SLCO6A1: variants seen among roughly 807,000 people sequenced by gnomAD.
SLCO6A1 encodes solute carrier organic anion transporter family member 6A1.
Under a neutral mutation model 72.7 loss-of-function variants are expected in SLCO6A1, and 65 were observed. The observed-to-expected ratio is 0.89, with a 90% CI of 0.73 to 1.10. SLCO6A1 has a LOEUF of 1.10. Ranked by LOEUF, SLCO6A1 falls within the 50% of genes least tolerant of loss-of-function variation. The pLI, the probability that SLCO6A1 is intolerant of heterozygous loss-of-function variation, is 0.00. For synonymous variants in SLCO6A1, 314 were observed against 298.2 expected, an observed-to-expected ratio of 1.05 and a Z score of -0.55; for missense variants, 874 against 872.6, an observed-to-expected ratio of 1.00 and a Z score of -0.02.
chr5:102,394,545 A>T (rs968395458), intron 10 of SLCO6A1, among the ~76,000 whole-genome samples: 1 of 152,026 alleles, frequency 6.6e-6, no homozygotes, highest in African/African-American at 2.4e-5. Flanking sequence ...AATAATATGG[A>T]TAATAAAAAC....
intron 1 of SLCO6A1, among the ~76,000 whole-genome samples, chr5:102,483,822 T>C (rs1752321755): frequency 6.6e-6 from 1 of 152,184 alleles, no homozygotes; most frequent in African/African-American, 2.4e-5. Context: ...TTCACCCAGA[T>C]GCCTTTATCC....
chr5:102,388,914 C>T (rs73774686), intron 11 of SLCO6A1, 89 bp from the exon 12 acceptor site: 28,477 of 1,121,656 alleles, frequency 0.025, 436 homozygotes, highest in South Asian at 0.046. Context: ...ATATGAATGA[C>T]GACTCATCAT....
chr5:102,448,500 A>T (rs1306280429), intron 6 of SLCO6A1, among the ~76,000 whole-genome samples: 1 of 152,068 alleles, frequency 6.6e-6, no homozygotes, highest in Non-Finnish European at 1.5e-5. Context: ...TTGTGTAGTT[A>T]TCTAAGTCTC....
intron 2 of SLCO6A1, among the ~76,000 whole-genome samples, chr5:102,479,380 T>A (rs915264475): frequency 6.6e-6 from 1 of 152,062 alleles, no homozygotes; most frequent in African/African-American, 2.4e-5. Context: ...AATTACCCAG[T>A]CTCAGGTAGT....
At chr5:102,380,355 T>C (rs1467937787) in intron 12 of SLCO6A1, among the ~76,000 whole-genome samples, 1 of 152,010 alleles carries the variant, frequency 6.6e-6, no homozygotes, top group Non-Finnish European at 1.5e-5. Context: ...AAGCATTAGA[T>C]GAGTCATCCT....
chr5:102,468,516 A>C (rs1001848384), intron 4 of SLCO6A1, among the ~76,000 whole-genome samples: 1 of 152,036 alleles, frequency 6.6e-6, no homozygotes, highest in Non-Finnish European at 1.5e-5. Flanking sequence ...GAGCTCCAGC[A>C]TTAAGTACAT....
At chr5:102,429,083 T>C (rs562004735) in intron 7 of SLCO6A1, among the ~76,000 whole-genome samples, 4 of 152,308 alleles carry the variant, frequency 2.6e-5, no homozygotes, top group Admixed American at 2.0e-4. Context: ...GTTGGCCACA[T>C]GTCTTCTTTT....
intron 7 of SLCO6A1, among the ~76,000 whole-genome samples, chr5:102,427,841 TATAC>T (rs56813902): frequency 0.13 from 14,066 of 110,556 alleles, 1,341 homozygotes; most frequent in Non-Finnish European, 0.18. Flanking sequence ...TGTGTGTATG[TATAC>T]ATATATATAT....
intron 8 of SLCO6A1, among the ~76,000 whole-genome samples, chr5:102,418,134 C>A (rs1748393065): frequency 1.3e-5 from 2 of 151,658 alleles, no homozygotes; most frequent in South Asian, 4.2e-4. Flanking sequence ...TTCTTACCTG[C>A]ATTTGTTTCT....
rs1381531250 is a variant in SLCO6A1, at chr5:102,372,104, TC to T, written c.*34del. The T allele has an allele frequency of 6.6e-6, 1 of 152,054 alleles. No individual in the cohort carries two copies. Among genetic ancestry groups the T allele is most frequent in the African/African-American group, 2.4e-5 (1 of 41,446 alleles). The allele number at this position is 152,054 out of a possible 1,614,324, so 9.4% of individuals were successfully genotyped here. Reference sequence around the variant, plus strand: ...AGAGAAACTCGTTTTCACACTCTGATCCTCAAATGATCTGCAATCCTGCTGG... The same window carrying T: ...AGAGAAACTCGTTTTCACACTCTGATCTCAAATGATCTGCAATCCTGCTGG... On this transcript the variant is annotated 3_prime_UTR_variant, in exon 14 of 14. Coordinates refer to ENST00000506729, the MANE Select transcript of SLCO6A1 (RefSeq NM_173488.5).
At chr5:102,465,768 A>T (rs1420068386) in intron 4 of SLCO6A1, among the ~76,000 whole-genome samples, 1 of 152,110 alleles carries the variant, frequency 6.6e-6, no homozygotes, top group Non-Finnish European at 1.5e-5. Context: ...GGTTGGAAAG[A>T]ATACTTCACC....
At chr5:102,485,312 T>C (rs1158405307) in intron 1 of SLCO6A1, among the ~76,000 whole-genome samples, 1 of 151,106 alleles carries the variant, frequency 6.6e-6, no homozygotes, top group East Asian at 1.9e-4. Context: ...ATAAAAGGCC[T>C]GACTTCAGGA....
At chr5:102,494,331 G>C (rs1004076432) in intron 1 of SLCO6A1, among the ~76,000 whole-genome samples, 2 of 152,044 alleles carry the variant, frequency 1.3e-5, no homozygotes, top group African/African-American at 4.8e-5. Context: ...ACCTCTAGAA[G>C]AAAAGCAAAG....
At chr5:102,442,646 T>A (rs1350307267) in intron 6 of SLCO6A1, among the ~76,000 whole-genome samples, 1 of 152,226 alleles carries the variant, frequency 6.6e-6, no homozygotes, top group African/African-American at 2.4e-5. Flanking sequence ...GTGTTTAAGC[T>A]CTTTCAGATT....
chr5:102,420,484 C>T (rs750090192), intron 7 of SLCO6A1, among the ~76,000 whole-genome samples: 14 of 152,076 alleles, frequency 9.2e-5, no homozygotes, highest in Non-Finnish European at 1.9e-4. Flanking sequence ...TATTAATAAT[C>T]TCACAACAAA....
intron 10 of SLCO6A1, 149 bp downstream of exon 10, chr5:102,399,406 A>T: frequency 2.2e-6 from 1 of 445,308 alleles, no homozygotes; most frequent in Non-Finnish European, 3.9e-6. Context: ...ATAATTATAC[A>T]CATGAATTGT....
chr5:102,386,590 AG>A (rs1746430816), intron 12 of SLCO6A1, among the ~76,000 whole-genome samples: 1 of 152,124 alleles, frequency 6.6e-6, no homozygotes, highest in Non-Finnish European at 1.5e-5. Flanking sequence ...TGTGAGTATC[AG>A]CCTGGTGCCT....
chr5:102,467,143 T>G (rs1751352411), intron 4 of SLCO6A1, among the ~76,000 whole-genome samples: 1 of 152,186 alleles, frequency 6.6e-6, no homozygotes, highest in African/African-American at 2.4e-5. Context: ...TTTTTGTAGC[T>G]TTGGGTTTTA....
At chr5:102,389,302 T>G (rs1746596924) in intron 11 of SLCO6A1, among the ~76,000 whole-genome samples, 1 of 152,182 alleles carries the variant, frequency 6.6e-6, no homozygotes, top group African/African-American at 2.4e-5. Context: ...CTGGCATGTT[T>G]ATAGTAGCCC....
Sources: gnomAD v4.1 joint callset for allele counts (sites outside exome capture counted in the v4.1 genomes callset) on GRCh38, gnomAD v4.1.1 for gene constraint, MANE v1.5 for transcripts, NCBI Gene and HGNC (gene_info 2026-07-23, HGNC 2026-07-21) for gene names.